The following TUSC3 variants were observed in gnomAD, a reference collection of about 807,000 sequenced individuals.
TUSC3 encodes the protein tumor suppressor candidate 3.
In TUSC3, 45 loss-of-function variants were observed where a neutral mutation model predicts 44.8. The ratio of observed to expected loss-of-function variants is 1.00; its 90% confidence interval spans 0.79 to 1.29. The LOEUF is 1.29. Among genes scored for constraint, TUSC3 ranks in the 50% most tolerant of loss-of-function variants. TUSC3 has a pLI of 0.00. For synonymous variants in TUSC3, 212 were observed against 152.9 expected (o/e 1.39, Z -2.85); for missense variants, 519 against 437.9 (o/e 1.19, Z -1.65).
chr8:15,778,344 G>C, the TUSC3 span, among the ~76,000 whole-genome samples: 7 of 152,032 alleles, frequency 4.6e-5, no homozygotes, highest in African/African-American at 1.7e-4. Flanking sequence ...TTAGGGTCCT[G>C]GGAAAAACAG....
At chr8:15,693,120 T>A (rs1808995521) in intron 6 of TUSC3, among the ~76,000 whole-genome samples, 1 of 152,222 alleles carries the variant, frequency 6.6e-6, no homozygotes, top group African/African-American at 2.4e-5. Flanking sequence ...CTTGCTTCTT[T>A]GTGCCTTTTA....
Position 15,732,184 on chromosome 8 carries a change from T to A in TUSC3, c.862+1455T>A, listed in dbSNP as rs182771706. ...GCATAAATACGTATATATGGGTTGA[T>A]TCCTTAGTGATATGGTTTGGCTCTG... On this transcript the variant is annotated intron_variant, in intron 7 of 10. Coordinates refer to ENST00000503731, the MANE Select transcript of TUSC3 (RefSeq NM_006765.4). Among the ~76,000 whole-genome samples the A allele has an allele frequency of 5.9e-5, 9 of 152,278 alleles. No homozygotes were observed. In the East Asian group the frequency reaches 1.7e-3, roughly 29 times the overall value.
At chr8:15,678,123 G>A (rs899364939) in intron 6 of TUSC3, among the ~76,000 whole-genome samples, 1 of 152,140 alleles carries the variant, frequency 6.6e-6, no homozygotes, top group Non-Finnish European at 1.5e-5. Context: ...CCTGTGTAGG[G>A]CATGTATGTC....
At chr8:15,489,126 T>C (rs371472329) in intron 2 of TUSC3, among the ~76,000 whole-genome samples, 101 of 152,286 alleles carry the variant, frequency 6.6e-4, no homozygotes, top group African/African-American at 2.3e-3. Flanking sequence ...GGTTACAGCT[T>C]GATTTTATAC....
At chr8:15,713,687 C>A (rs150690643) in intron 6 of TUSC3, among the ~76,000 whole-genome samples, 2 of 152,122 alleles carry the variant, frequency 1.3e-5, no homozygotes, top group Non-Finnish European at 2.9e-5. Flanking sequence ...TTACTCAGTG[C>A]ATGTCTGTGT....
intron 1 of TUSC3, among the ~76,000 whole-genome samples, chr8:15,569,627 A>C (rs897955995): frequency 1.3e-5 from 2 of 152,180 alleles, no homozygotes; most frequent in Non-Finnish European, 2.9e-5. Context: ...AATTTTGCTG[A>C]GATGACAGGA....
At chr8:15,619,208 T>C (rs571078848) in intron 1 of TUSC3, among the ~76,000 whole-genome samples, 2 of 152,324 alleles carry the variant, frequency 1.3e-5, no homozygotes, top group East Asian at 3.9e-4. Flanking sequence ...TCAGTTCTTA[T>C]TTTCACTATG....
chr8:15,721,145 A>G (rs1275480805), intron 6 of TUSC3, among the ~76,000 whole-genome samples: 1 of 152,022 alleles, frequency 6.6e-6, no homozygotes, highest in Non-Finnish European at 1.5e-5. Context: ...ATCACCCCAT[A>G]AGTAAGAAAA....
chr8:15,501,593 G>C (rs573006822), intron 2 of TUSC3, among the ~76,000 whole-genome samples: 1 of 152,274 alleles, frequency 6.6e-6, no homozygotes, highest in Non-Finnish European at 1.5e-5. Flanking sequence ...GAATGGGAAA[G>C]AAGAAGCTAC....
intron 1 of TUSC3, among the ~76,000 whole-genome samples, chr8:15,617,473 A>T (rs1325418384): frequency 2.6e-5 from 4 of 151,978 alleles, no homozygotes; most frequent in African/African-American, 9.7e-5. Context: ...ATTAATATGG[A>T]TGCCTCCAAC....
At chr8:15,438,156 A>G (rs5006324) in intron 1 of TUSC3, among the ~76,000 whole-genome samples, 24,658 of 152,000 alleles carry the variant, frequency 0.16, 2,055 homozygotes, top group Middle Eastern at 0.22. Context: ...GTGCAATGGC[A>G]CAGTCTCGGC....
chr8:15,695,000 T>A (rs1017354028), intron 6 of TUSC3, among the ~76,000 whole-genome samples: 1 of 152,214 alleles, frequency 6.6e-6, no homozygotes, highest in Non-Finnish European at 1.5e-5. Flanking sequence ...GTTTGCACCA[T>A]TGCCGGTGTC....
At position 15,748,561 on chromosome 8, in the gene TUSC3, T is replaced by C. The variant is rs1204924921; in HGVS notation, c.1028+96T>C. On this transcript the variant is annotated intron_variant, in intron 9 of 10. Coordinates refer to ENST00000503731, the MANE Select transcript of TUSC3 (RefSeq NM_006765.4). ...TAATTAAGGATGAATGTAAAGTTGC[T>C]GTGTGGTTTTTTTAAATTCAGTTAA... The C allele has an allele frequency of 4.1e-6, 5 of 1,206,190 alleles. No individual in the cohort carries two copies. In the Admixed American group the frequency reaches 6.7e-5, roughly 16 times the overall value. The allele number at this position is 1,206,190 out of a possible 1,614,324, so 74.7% of individuals were successfully genotyped here.
intron 4 of TUSC3, among the ~76,000 whole-genome samples, chr8:15,661,927 G>A (rs1052394083): frequency 2.0e-5 from 3 of 152,002 alleles, no homozygotes; most frequent in Non-Finnish European, 2.9e-5. Context: ...CACATGAAAA[G>A]ATGCTCAGCA....
At chr8:15,799,976 G>C in the TUSC3 span, among the ~76,000 whole-genome samples, 1 of 152,286 alleles carries the variant, frequency 6.6e-6, no homozygotes, top group Admixed American at 6.5e-5. Context: ...ACATTCAGTA[G>C]GTTGCACTAC....
At chr8:15,781,308 G>T in the TUSC3 span, among the ~76,000 whole-genome samples, 1 of 152,112 alleles carries the variant, frequency 6.6e-6, no homozygotes, top group African/African-American at 2.4e-5. Flanking sequence ...CATCCAATAG[G>T]TCTGGCTCTT....
intron 6 of TUSC3, among the ~76,000 whole-genome samples, chr8:15,704,830 A>AT (rs550498226): frequency 6.6e-6 from 1 of 151,990 alleles, no homozygotes; most frequent in South Asian, 2.1e-4. Flanking sequence ...CTTACGTTTG[A>AT]TTTTTTAGAT....
At chr8:15,723,979 G>A (rs747848244) in intron 6 of TUSC3, among the ~76,000 whole-genome samples, 1 of 152,108 alleles carries the variant, frequency 6.6e-6, no homozygotes, top group Non-Finnish European at 1.5e-5. Flanking sequence ...AGATGTTGAA[G>A]CCTTAACCCC....
In TUSC3 at chr8:15,528,907, A is replaced by G. The variant is rs184889899; in HGVS notation, n.189+45424A>G. 1.6e-4 allele frequency among the ~76,000 whole-genome samples: 24 copies of G among 152,302 alleles called. No individual in the cohort carries two copies. The East Asian group carries it at 3.5e-3, about 22-fold the overall frequency. Reference sequence around the variant, plus strand: ...TTGAACTTTGACCTCAGAGCATCTGATATATCAGAATTTAGACAATAATGA... The same window carrying G: ...TTGAACTTTGACCTCAGAGCATCTGGTATATCAGAATTTAGACAATAATGA... On this transcript the variant is annotated intron_variant and non_coding_transcript_variant, in intron 2 of 5. Transcript: ENST00000503191.
Sources: allele counts gnomAD v4.1 joint callset (sites outside exome capture counted in the v4.1 genomes callset), GRCh38; gene constraint gnomAD v4.1.1; transcripts MANE v1.5; gene names NCBI Gene and HGNC (gene_info 2026-07-23, HGNC 2026-07-21).